RUNX2: variants seen among roughly 807,000 people sequenced by gnomAD.
The protein encoded by RUNX2 is RUNX family transcription factor 2.
Under a neutral mutation model 51.7 loss-of-function variants are expected in RUNX2, and 10 were observed. The observed-to-expected ratio is 0.19, with a 90% CI of 0.12 to 0.33. RUNX2 has a LOEUF of 0.33. RUNX2 is among the 10% of genes least tolerant of loss of function. The pLI is 1.00. For synonymous variants in RUNX2, 276 were observed against 273.6 expected, an observed-to-expected ratio of 1.01 and a Z score of -0.09; for missense variants, 562 against 691.3, an observed-to-expected ratio of 0.81 and a Z score of 2.10.
At chr6:45,497,788 A>C (rs1237482839) in intron 6 of RUNX2, among the ~76,000 whole-genome samples, 1 of 152,140 alleles carries the variant, frequency 6.6e-6, no homozygotes, top group Non-Finnish European at 1.5e-5. Flanking sequence ...CCATTGTCTT[A>C]CACGGTACCT....
At chr6:45,380,707 G>A (rs1364891857) in intron 2 of RUNX2, among the ~76,000 whole-genome samples, 2 of 152,216 alleles carry the variant, frequency 1.3e-5, no homozygotes, top group Non-Finnish European at 2.9e-5. Context: ...CTCCTGAGTA[G>A]CTGGGATTAC....
intron 5 of RUNX2, among the ~76,000 whole-genome samples, chr6:45,464,658 A>G (rs899922559): frequency 1.3e-5 from 2 of 152,222 alleles, no homozygotes; most frequent in East Asian, 3.9e-4. Flanking sequence ...TACAGAAAAC[A>G]AAGGAATTTC....
rs543754818 is a variant in RUNX2 at position 45,482,259 on chromosome 6, T to C, written c.686-9682T>C. Reference sequence around the variant, plus strand: ...TATGAAGTTTCTTTTTCTTCAGACGTCTCAAGTTTTTTTAGTCCATTATCT... The same window carrying C: ...TATGAAGTTTCTTTTTCTTCAGACGCCTCAAGTTTTTTTAGTCCATTATCT... On this transcript the variant is annotated intron_variant, in intron 5 of 8. Transcript: ENST00000647337. 5.3e-5 allele frequency among the ~76,000 whole-genome samples: 8 copies of C among 152,356 alleles called. No homozygotes were observed. The East Asian group carries it at 1.4e-3, about 26-fold the overall frequency.
At chr6:45,440,910 T>C (rs1456000251) in intron 5 of RUNX2, among the ~76,000 whole-genome samples, 4 of 152,178 alleles carry the variant, frequency 2.6e-5, no homozygotes, top group African/African-American at 9.7e-5. Flanking sequence ...ATTTTCAGAT[T>C]AAGGATACTC....
At chr6:45,367,279 T>G (rs1343580607) in intron 2 of RUNX2, among the ~76,000 whole-genome samples, 1 of 152,070 alleles carries the variant, frequency 6.6e-6, no homozygotes, top group Non-Finnish European at 1.5e-5. Context: ...AACAAAAACG[T>G]TCCACTTAAA....
chr6:45,534,619 T>C (rs1159006712), intron 7 of RUNX2, among the ~76,000 whole-genome samples: 1 of 152,142 alleles, frequency 6.6e-6, no homozygotes, highest in Non-Finnish European at 1.5e-5. Flanking sequence ...AACTAACTGG[T>C]AGTCAGGGCA....
intron 2 of RUNX2, among the ~76,000 whole-genome samples, chr6:45,351,341 A>G (rs1008069069): frequency 5.9e-5 from 9 of 152,094 alleles, no homozygotes; most frequent in Admixed American, 4.6e-4. Context: ...TAAATTCAAC[A>G]CCTACCAGGC....
intron 2 of RUNX2, among the ~76,000 whole-genome samples, chr6:45,347,502 G>C (rs1179485111): frequency 1.3e-5 from 2 of 152,078 alleles, no homozygotes; most frequent in African/African-American, 2.4e-5. Context: ...TGTTAAGTTT[G>C]AGAAAAACAA....
intron 5 of RUNX2, among the ~76,000 whole-genome samples, chr6:45,440,232 C>T (rs1347510323): frequency 6.6e-6 from 1 of 152,204 alleles, no homozygotes; most frequent in Non-Finnish European, 1.5e-5. Flanking sequence ...ATCCTATAAC[C>T]TGGATTCTGT....
chr6:45,443,893 G>A (rs1051528585), intron 5 of RUNX2, among the ~76,000 whole-genome samples: 1 of 151,716 alleles, frequency 6.6e-6, no homozygotes, highest in Non-Finnish European at 1.5e-5. Context: ...ATTTTTTTTC[G>A]AGATGGAGTG....
At chr6:45,364,954 AT>A (rs1407737339) in intron 2 of RUNX2, among the ~76,000 whole-genome samples, 1 of 152,190 alleles carries the variant, frequency 6.6e-6, no homozygotes, top group Non-Finnish European at 1.5e-5. Context: ...TGTCCACCTG[AT>A]TATTCATTCT....
rs181280934 is a variant in RUNX2 at position 45,459,454 on chromosome 6, G to A, written c.685+21403G>A. Among the ~76,000 whole-genome samples the A allele has an allele frequency of 9.2e-5, 14 of 152,248 alleles. No individual in the cohort carries two copies. The East Asian group carries it at 2.3e-3, about 25-fold the overall frequency. On this transcript the variant is annotated intron_variant, in intron 5 of 8. Coordinates refer to ENST00000647337, the MANE Select transcript of RUNX2 (RefSeq NM_001024630.4). ...AAGTATGCCAGCTACACACAAGTTTGGAATATAAGGCACAAAGTTTTACTT... is the reference window on the plus strand; with the variant it reads ...AAGTATGCCAGCTACACACAAGTTTAGAATATAAGGCACAAAGTTTTACTT...
At chr6:45,467,401 C>A (rs1048082066) in intron 5 of RUNX2, among the ~76,000 whole-genome samples, 15 of 152,280 alleles carry the variant, frequency 9.9e-5, no homozygotes, top group African/African-American at 3.6e-4. Context: ...CCTACCTCAG[C>A]CTCCCAAGTA....
intron 5 of RUNX2, among the ~76,000 whole-genome samples, chr6:45,462,628 T>A (rs1050763276): frequency 6.6e-6 from 1 of 152,272 alleles, no homozygotes; most frequent in African/African-American, 2.4e-5. Context: ...ATAGAGTTTT[T>A]AAAACAGTAT....
intron 5 of RUNX2, among the ~76,000 whole-genome samples, chr6:45,478,864 A>G (rs1249542277): frequency 6.6e-6 from 1 of 152,040 alleles, no homozygotes; most frequent in Non-Finnish European, 1.5e-5. Context: ...TCAATTCCAT[A>G]GGACAGACTT....
intron 2 of RUNX2, among the ~76,000 whole-genome samples, chr6:45,400,176 A>C (rs1797680876): frequency 7.3e-6 from 1 of 136,370 alleles, no homozygotes; most frequent in Non-Finnish European, 1.7e-5. Context: ...GGAAGGAAAG[A>C]AGGAGGGAAT....
chr6:45,398,900 C>T (rs1446110555), intron 2 of RUNX2, among the ~76,000 whole-genome samples: 3 of 152,174 alleles, frequency 2.0e-5, no homozygotes, highest in African/African-American at 7.2e-5. Flanking sequence ...CCAAGTCACA[C>T]ACCTGGTAAA....
chr6:45,358,328 G>C (rs1344844700), intron 2 of RUNX2, among the ~76,000 whole-genome samples: 2 of 152,088 alleles, frequency 1.3e-5, no homozygotes, highest in East Asian at 3.9e-4. Context: ...TCAGCTGCCT[G>C]GCTTATTTAA....
intron 5 of RUNX2, among the ~76,000 whole-genome samples, chr6:45,470,793 A>C (rs1799778257): frequency 6.6e-6 from 1 of 152,176 alleles, no homozygotes; most frequent in Non-Finnish European, 1.5e-5. Context: ...TATTTCTCTG[A>C]AGACATGCCT....
Sources: allele counts gnomAD v4.1 joint callset (sites outside exome capture counted in the v4.1 genomes callset), GRCh38; gene constraint gnomAD v4.1.1; transcripts MANE v1.5; gene names NCBI Gene and HGNC (gene_info 2026-07-23, HGNC 2026-07-21).